Variants in CSMD2 observed in about 807,000 individuals in gnomAD.
CSMD2 encodes the protein CUB and Sushi multiple domains 2.
A neutral mutation model predicts 398.5 loss-of-function variants in CSMD2; 130 were observed. That is an observed-to-expected ratio of 0.33 (90% CI 0.28 to 0.38). CSMD2 has a LOEUF of 0.38. CSMD2 is among the 10% of genes least tolerant of loss of function. The pLI is 1.00. For synonymous variants in CSMD2, 1,828 were observed against 1,908.5 expected (o/e 0.96, Z 1.10); for missense variants, 3,829 against 4,764.9 (o/e 0.80, Z 5.78).
chr1:33,970,224 A>AGTGT (rs1022819594), intron 3 of CSMD2, among the ~76,000 whole-genome samples: 1 of 152,140 alleles, frequency 6.6e-6, no homozygotes, highest in Non-Finnish European at 1.5e-5. Flanking sequence ...TGAGTGAGTG[A>AGTGT]GTGTGTATGC....
chr1:33,886,577 T>C (rs72892964), intron 5 of CSMD2, among the ~76,000 whole-genome samples: 11,285 of 152,198 alleles, frequency 0.074, 562 homozygotes, highest in Middle Eastern at 0.13. Flanking sequence ...GAGTGCTGCT[T>C]GTTCCTCTGC....
chr1:33,816,898 G>C (rs890581602), intron 9 of CSMD2, among the ~76,000 whole-genome samples: 3 of 152,092 alleles, frequency 2.0e-5, no homozygotes, highest in African/African-American at 7.2e-5. Flanking sequence ...GGGAAAATGA[G>C]TATTTCTAAT....
chr1:33,546,374 T>C (rs566302136), intron 56 of CSMD2, among the ~76,000 whole-genome samples, 155 bp from the exon 57 acceptor site: 34 of 152,290 alleles, frequency 2.2e-4, no homozygotes, highest in South Asian at 4.1e-4. Flanking sequence ...CCTGCCTCCA[T>C]ATGCAATGGT....
At position 33,843,921 on chromosome 1, in the gene CSMD2, C is replaced by T. The variant is rs934326555; in HGVS notation, c.1033+2963G>A. 1.1e-4 allele frequency among the ~76,000 whole-genome samples: 16 copies of T among 152,162 alleles called. 1 individual carries two copies. The East Asian group carries it at 3.1e-3, about 29-fold the overall frequency. On this transcript the variant is annotated intron_variant, in intron 6 of 70. Transcript: ENST00000373381. ...CTTCTATGGCTCCAGCTCTTGCCAC[C>T]TTCTTCCCTGGTCCCTTTGCACACC...
At chr1:33,676,282 T>G (rs927465665) in intron 25 of CSMD2, among the ~76,000 whole-genome samples, 1 of 152,174 alleles carries the variant, frequency 6.6e-6, no homozygotes, top group Non-Finnish European at 1.5e-5. Flanking sequence ...AAAATCAATG[T>G]GCAAAAATCA....
chr1:33,881,224 T>A (rs1325997547), intron 5 of CSMD2, among the ~76,000 whole-genome samples: 1 of 152,188 alleles, frequency 6.6e-6, no homozygotes, highest in African/African-American at 2.4e-5. Context: ...CCTGCAACCC[T>A]CCTCTGTGAA....
chr1:33,795,715 A>G (rs1280464460), intron 10 of CSMD2, among the ~76,000 whole-genome samples: 6 of 152,124 alleles, frequency 3.9e-5, no homozygotes, highest in Admixed American at 3.9e-4. Context: ...CTGGACTGTG[A>G]TGGGTCTGTT....
intron 5 of CSMD2, among the ~76,000 whole-genome samples, chr1:33,892,758 T>A (rs550752816): frequency 1.3e-5 from 2 of 152,378 alleles, no homozygotes; most frequent in African/African-American, 4.8e-5. Context: ...TTTTTGCAAT[T>A]GCAAATTGTG....
At chr1:33,712,317 C>A (rs1035268285) in intron 21 of CSMD2, among the ~76,000 whole-genome samples, 1 of 152,090 alleles carries the variant, frequency 6.6e-6, no homozygotes, top group South Asian at 2.1e-4. Context: ...GGCTATGTCA[C>A]CTCCCTCCCC....
intron 10 of CSMD2, among the ~76,000 whole-genome samples, chr1:33,809,488 G>A (rs969024471): frequency 3.3e-5 from 5 of 151,962 alleles, no homozygotes; most frequent in Non-Finnish European, 5.9e-5. Flanking sequence ...AGCAAACTAC[G>A]ATTAGGAAGT....
intron 13 of CSMD2, among the ~76,000 whole-genome samples, chr1:33,768,166 C>T (rs1650764620): frequency 6.6e-6 from 1 of 152,212 alleles, no homozygotes; most frequent in Non-Finnish European, 1.5e-5. Flanking sequence ...CATAATGCTA[C>T]AGACTTTAAT....
At chr1:34,090,512 TC>T (rs1658434852) in intron 1 of CSMD2, among the ~76,000 whole-genome samples, 2 of 151,032 alleles carry the variant, frequency 1.3e-5, no homozygotes, top group Admixed American at 1.3e-4. Flanking sequence ...GCTCTCGATG[TC>T]CCCCCACCCA....
intron 5 of CSMD2, among the ~76,000 whole-genome samples, chr1:33,885,742 A>C (rs978178628): frequency 2.6e-5 from 4 of 152,162 alleles, no homozygotes; most frequent in Admixed American, 1.3e-4. Context: ...TTTCTTACAA[A>C]ATATGTGTAT....
chr1:33,918,011 C>G, intron 5 of CSMD2, 83 bp downstream of exon 5: 1 of 1,298,176 alleles, frequency 7.7e-7, no homozygotes, highest in Non-Finnish European at 1.1e-6. Context: ...GCTGCAGGTC[C>G]AGGCACTGAG....
chr1:33,874,154 A>G (rs942840027), intron 5 of CSMD2, among the ~76,000 whole-genome samples: 1 of 152,232 alleles, frequency 6.6e-6, no homozygotes, highest in African/African-American at 2.4e-5. Context: ...TGCCTTATTC[A>G]TCACAGTGCT....
At chr1:33,548,221 G>A (rs527835613) in intron 56 of CSMD2, among the ~76,000 whole-genome samples, 1 of 152,314 alleles carries the variant, frequency 6.6e-6, no homozygotes, top group Admixed American at 6.5e-5. Flanking sequence ...TTGGCAGTAT[G>A]AGAACAGACT....
rs372032800 is a variant in CSMD2, at chr1:34,092,681, G to A, written c.188-3488C>T. ...CTGGAGAATCGGGTCACTCCCACCC[G>A]AATACTGCGCTTTTCCGACGGGCTT... On this transcript the variant is annotated intron_variant, in intron 1 of 70. Coordinates refer to ENST00000373381, the MANE Select transcript of CSMD2 (RefSeq NM_001281956.2). Among the ~76,000 whole-genome samples the A allele has an allele frequency of 3.2e-4, 49 of 152,182 alleles. 2 individuals are homozygous for A. The East Asian group carries it at 5.4e-3, about 17-fold the overall frequency.
At chr1:33,693,353 T>C (rs1389069353) in intron 24 of CSMD2, among the ~76,000 whole-genome samples, 2 of 152,224 alleles carry the variant, frequency 1.3e-5, no homozygotes, top group African/African-American at 4.8e-5. Context: ...AAAAGATGTT[T>C]AACATTGTTA....
chr1:33,878,701 C>G (rs2125166886), intron 5 of CSMD2, among the ~76,000 whole-genome samples: 1 of 152,282 alleles, frequency 6.6e-6, no homozygotes. Context: ...TGGAAGGACA[C>G]CTTAGGGAGG....
Sources: gnomAD v4.1 joint callset for allele counts (sites outside exome capture counted in the v4.1 genomes callset) on GRCh38, gnomAD v4.1.1 for gene constraint, MANE v1.5 for transcripts, NCBI Gene and HGNC (gene_info 2026-07-23, HGNC 2026-07-21) for gene names.